AOAH: variants seen among roughly 807,000 people sequenced by gnomAD.
The protein encoded by AOAH is acyloxyacyl hydrolase (neutrophil).
Under a neutral mutation model 92.2 loss-of-function variants are expected in AOAH, and 64 were observed. The ratio of observed to expected loss-of-function variants is 0.69; its 90% confidence interval spans 0.57 to 0.86. AOAH has a LOEUF of 0.86. AOAH is among the 40% of genes least tolerant of loss of function. The probability of loss-of-function intolerance (pLI) is 0.00; values close to 1 mark genes in which losing one functional copy is unlikely to be tolerated. For missense variants in AOAH, 656 were observed against 694.6 expected, an observed-to-expected ratio of 0.94 and a Z score of 0.62; for synonymous variants, 263 against 254.5, an observed-to-expected ratio of 1.03 and a Z score of -0.32.
At chr7:36,564,973 TAATA>T (rs1396652863) in intron 13 of AOAH, among the ~76,000 whole-genome samples, 8 of 152,356 alleles carry the variant, frequency 5.3e-5, no homozygotes, top group Middle Eastern at 3.4e-3. Context: ...AAAATGGGAA[TAATA>T]AATAATAAAT....
At chr7:36,692,985 G>C (rs1318840838) in intron 1 of AOAH, among the ~76,000 whole-genome samples, 1 of 143,896 alleles carries the variant, frequency 6.9e-6, no homozygotes, top group Non-Finnish European at 1.5e-5. Flanking sequence ...TCTTAAAAAA[G>C]TGTAGGATTT....
chr7:36,687,489 G>T (rs1437228482), intron 1 of AOAH, among the ~76,000 whole-genome samples: 1 of 151,576 alleles, frequency 6.6e-6, no homozygotes, highest in Non-Finnish European at 1.5e-5. Flanking sequence ...ATTCCTAGAA[G>T]ATTCTATCGC....
intron 3 of AOAH, among the ~76,000 whole-genome samples, chr7:36,664,523 T>A (rs906067815): frequency 3.3e-5 from 5 of 152,228 alleles, no homozygotes; most frequent in African/African-American, 1.2e-4. Flanking sequence ...TGTAGCTTTG[T>A]AGTAAGCCTG....
intron 19 of AOAH, among the ~76,000 whole-genome samples, chr7:36,525,871 C>T (rs566662480): frequency 1.3e-5 from 2 of 152,246 alleles, no homozygotes; most frequent in South Asian, 4.1e-4. Flanking sequence ...CTTCTCCTTC[C>T]CTTGGAGACT....
intron 15 of AOAH, among the ~76,000 whole-genome samples, chr7:36,541,573 AT>A (rs1562550680): frequency 6.6e-6 from 1 of 152,234 alleles, no homozygotes; most frequent in African/African-American, 2.4e-5. Flanking sequence ...TCATTGGTTG[AT>A]TTAAAGTTAT....
intron 4 of AOAH, among the ~76,000 whole-genome samples, chr7:36,640,575 C>T (rs542161415): frequency 6.6e-6 from 1 of 152,168 alleles, no homozygotes; most frequent in African/African-American, 2.4e-5. Flanking sequence ...TGGAGGCGTG[C>T]CCTTGGACCC....
intron 19 of AOAH, among the ~76,000 whole-genome samples, chr7:36,525,232 A>G (rs1784344449): frequency 6.6e-6 from 1 of 152,232 alleles, no homozygotes; most frequent in African/African-American, 2.4e-5. Context: ...ATGGCTAATA[A>G]AAAGTCTAGA....
chr7:36,715,523 C>A (rs1291853323), intron 1 of AOAH, among the ~76,000 whole-genome samples: 5 of 150,702 alleles, frequency 3.3e-5, no homozygotes, highest in Non-Finnish European at 7.4e-5. Context: ...CCAAGTCAAT[C>A]CTAAGCCAAA....
chr7:36,547,076 T>C (rs547961322), intron 15 of AOAH, among the ~76,000 whole-genome samples: 2 of 152,354 alleles, frequency 1.3e-5, no homozygotes, highest in South Asian at 4.1e-4. Flanking sequence ...AAATCAGTTT[T>C]CCCATCTGTA....
intron 1 of AOAH, among the ~76,000 whole-genome samples, chr7:36,694,926 TAGATAGGG>T (rs941822357): frequency 1.4e-4 from 20 of 142,112 alleles, no homozygotes; most frequent in African/African-American, 5.2e-4. Flanking sequence ...TATAGGTAAA[TAGATAGGG>T]AGAGAGGGAG....
intron 19 of AOAH, among the ~76,000 whole-genome samples, chr7:36,523,976 C>T (rs183316631): frequency 9.9e-5 from 15 of 152,198 alleles, no homozygotes; most frequent in Admixed American, 8.5e-4. Context: ...CCACAGGAGT[C>T]TCTCAAACAA....
intron 11 of AOAH, among the ~76,000 whole-genome samples, chr7:36,606,502 C>T (rs1791012300): frequency 6.6e-6 from 1 of 152,186 alleles, no homozygotes; most frequent in South Asian, 2.1e-4. Context: ...ATGGGATAGG[C>T]AACAGCCTTA....
intron 4 of AOAH, among the ~76,000 whole-genome samples, chr7:36,643,777 G>T (rs1181972781): frequency 1.3e-5 from 2 of 152,170 alleles, no homozygotes; most frequent in South Asian, 4.2e-4. Flanking sequence ...TCATGATAGT[G>T]GGTGAGTTCT....
chr7:36,612,637 C>A (rs1435960965), intron 11 of AOAH, among the ~76,000 whole-genome samples: 1 of 152,112 alleles, frequency 6.6e-6, no homozygotes, highest in Non-Finnish European at 1.5e-5. Context: ...TTTAATGTTG[C>A]CTTATACATG....
chr7:36,556,556 A>G (rs1386553715), intron 13 of AOAH, among the ~76,000 whole-genome samples: 3 of 150,746 alleles, frequency 2.0e-5, no homozygotes, highest in African/African-American at 4.9e-5. Context: ...TTTCTGTCTC[A>G]TTGATCTGTC....
chr7:36,631,079 C>G (rs577606266), intron 6 of AOAH, among the ~76,000 whole-genome samples: 2 of 152,316 alleles, frequency 1.3e-5, no homozygotes, highest in Non-Finnish European at 2.9e-5. Context: ...GGCTTGGTGG[C>G]TCACGCCTGT....
At position 36,671,605 on chromosome 7, in the gene AOAH, G is replaced by C. The variant is rs540339776; in HGVS notation, c.290+2338C>G. 3.1e-4 allele frequency among the ~76,000 whole-genome samples: 47 copies of C among 150,590 alleles called. No individual in the cohort carries two copies. In the East Asian group the frequency reaches 8.6e-3, roughly 28 times the overall value. ...AGTGTGCATGTGCTCATGCGTGTGT[G>C]TGTATGTGTGTGTGCGTGTGTGCAT... On this transcript the variant is annotated intron_variant, in intron 3 of 20. Coordinates refer to ENST00000617537, the MANE Select transcript of AOAH (RefSeq NM_001637.4).
intron 4 of AOAH, among the ~76,000 whole-genome samples, chr7:36,642,891 A>T (rs141426936): frequency 4.6e-5 from 7 of 152,324 alleles, no homozygotes; most frequent in Admixed American, 2.0e-4. Context: ...TGGCTTCATT[A>T]GTTACTAGTT....
chr7:36,532,029 T>A, intron 18 of AOAH, 118 bp downstream of exon 18: 1 of 1,233,196 alleles, frequency 8.1e-7, no homozygotes, highest in Non-Finnish European at 1.2e-6. Flanking sequence ...TTTGATTTTG[T>A]TATTCACCAG....
Sources: allele counts gnomAD v4.1 joint callset (sites outside exome capture counted in the v4.1 genomes callset), GRCh38; gene constraint gnomAD v4.1.1; transcripts MANE v1.5; gene names NCBI Gene and HGNC (gene_info 2026-07-23, HGNC 2026-07-21).